The following RRM2 variants were observed in gnomAD, a reference collection of about 807,000 sequenced individuals.
The protein encoded by RRM2 is ribonucleoside-diphosphate reductase subunit M2.
A neutral mutation model predicts 45.9 loss-of-function variants in RRM2; 6 were observed. That is an observed-to-expected ratio of 0.13 (90% CI 0.07 to 0.26). The LOEUF is 0.26. RRM2 is among the 10% of genes least tolerant of loss of function. RRM2 has a pLI of 1.00. For synonymous variants in RRM2, 177 were observed against 173.0 expected (o/e 1.02, Z -0.18); for missense variants, 343 against 489.5 (o/e 0.70, Z 2.82).
intron 3 of RRM2, among the ~76,000 whole-genome samples, chr2:10,203,643 C>T (rs948058911): frequency 5.9e-5 from 9 of 152,038 alleles, no homozygotes; most frequent in South Asian, 4.1e-4. Context: ...TGCAGCTACT[C>T]GGGAGGCTGA....
chr2:10,175,585 T>C (rs924986601), intron 3 of RRM2, among the ~76,000 whole-genome samples: 1 of 151,996 alleles, frequency 6.6e-6, no homozygotes, highest in African/African-American at 2.4e-5. Context: ...TCTGTTCATA[T>C]GAATTAAAAA....
At chr2:10,194,464 G>T (rs1271176368) in intron 3 of RRM2, among the ~76,000 whole-genome samples, 1 of 152,250 alleles carries the variant, frequency 6.6e-6, no homozygotes, top group Non-Finnish European at 1.5e-5. Context: ...TGGGGTGTGT[G>T]TGTGAGGACT....
At chr2:10,151,370 T>C (rs1044698377) in intron 3 of RRM2, among the ~76,000 whole-genome samples, 3 of 150,406 alleles carry the variant, frequency 2.0e-5, no homozygotes, top group Admixed American at 6.7e-5. Context: ...CGATCTTGGC[T>C]CACTACAGCC....
At chr2:10,123,125 G>T in intron 2 of RRM2, 68 bp downstream of exon 2, 2 of 1,489,092 alleles carry the variant, frequency 1.3e-6, no homozygotes, top group Non-Finnish European at 1.8e-6. Context: ...AAGCCGCATT[G>T]TTTCCTCAGC....
At chr2:10,126,162 TAAAAAAAAAAAA>T (rs532815964) in intron 5 of RRM2, among the ~76,000 whole-genome samples, 3 of 89,362 alleles carry the variant, frequency 3.4e-5, no homozygotes, top group South Asian at 4.5e-4. Flanking sequence ...CTCATCTCTT[TAAAAAAAAAAAA>T]AAAAAAAAAA....
In RRM2 at chr2:10,172,818, G is replaced by A. The variant is rs1475756359; in HGVS notation, n.482+30443G>A. On this transcript the variant is annotated intron_variant and non_coding_transcript_variant, in intron 3 of 3. Transcript: ENST00000381786. This position sits in a 1 kb window ranked among gnomAD's most constrained non-coding sequence, Gnocchi z 4.9. ...AGAATTTCAAGATGGTGGCAGCAGA[G>A]CCTGAAACCGAGCTCAGGGCCCATC... Among the ~76,000 whole-genome samples the A allele has an allele frequency of 6.6e-6, 1 of 152,208 alleles. No homozygotes were observed. The highest frequency in any genetic ancestry group is 2.1e-4 in the South Asian group (1 of 4,826).
At chr2:10,188,914 G>A (rs531840364) in intron 3 of RRM2, among the ~76,000 whole-genome samples, 2 of 152,288 alleles carry the variant, frequency 1.3e-5, no homozygotes, top group African/African-American at 4.8e-5. Flanking sequence ...CGCATTTGGA[G>A]GCTGGATCAT....
At chr2:10,148,392 G>C (rs1663236973) in intron 3 of RRM2, among the ~76,000 whole-genome samples, 1 of 101,186 alleles carries the variant, frequency 9.9e-6, no homozygotes, top group Non-Finnish European at 2.2e-5. Context: ...TAATCAAAAG[G>C]GACTAAATGA....
In RRM2 at chr2:10,204,743, C is replaced by A. The variant is rs1276437155; in HGVS notation, n.483-5568C>A. 1.3e-5 allele frequency among the ~76,000 whole-genome samples: 2 copies of A among 152,246 alleles called. No individual in the cohort carries two copies. Among genetic ancestry groups the A allele is most frequent in the Non-Finnish European group, 2.9e-5 (2 of 68,056 alleles). On this transcript the variant is annotated intron_variant and non_coding_transcript_variant, in intron 3 of 3. Transcript: ENST00000381786. This position sits in a 1 kb window ranked among gnomAD's most constrained non-coding sequence, Gnocchi z 4.0. Reference sequence around the variant, plus strand: ...CGCATCTGTTCTCAATTGCCCTATGCAGATACTTAGTCTGTGGCTGGGAGC... The same window carrying A: ...CGCATCTGTTCTCAATTGCCCTATGAAGATACTTAGTCTGTGGCTGGGAGC...
At chr2:10,163,623 G>A (rs1379548047) in intron 3 of RRM2, among the ~76,000 whole-genome samples, 1 of 152,198 alleles carries the variant, frequency 6.6e-6, no homozygotes. Context: ...GGAACTATGG[G>A]GTCCACAGCA....
intron 3 of RRM2, among the ~76,000 whole-genome samples, chr2:10,208,456 G>A (rs531161515): frequency 6.6e-6 from 1 of 152,320 alleles, no homozygotes; most frequent in African/African-American, 2.4e-5. Flanking sequence ...TTGGATCGAT[G>A]AGCAGACACA....
chr2:10,172,906 G>A lies in RRM2; in HGVS notation n.482+30531G>A, dbSNP rs1444248176. Among the ~76,000 whole-genome samples, 3 of 152,180 alleles carry A rather than the reference G, an allele frequency of 2.0e-5. No homozygotes were observed. Among genetic ancestry groups the A allele is most frequent in the South Asian group, 2.1e-4 (1 of 4,824 alleles). ...CGGTGATGCCAACCCCCTGAGTCCC[G>A]GGGAACAGTGGCAAATCAGCACTCA... is the stretch of plus-strand genomic sequence containing the variant. On this transcript the variant is annotated intron_variant and non_coding_transcript_variant, in intron 3 of 3. Coordinates refer to the RRM2 transcript ENST00000381786. This position sits in a 1 kb window ranked among gnomAD's most constrained non-coding sequence, Gnocchi z 4.9.
At chr2:10,139,605 C>G (rs1410704990), upstream of RRM2, among the ~76,000 whole-genome samples, 1 of 152,188 alleles carries the variant, frequency 6.6e-6, no homozygotes, top group African/African-American at 2.4e-5. Context: ...TCTTTCTCAT[C>G]TCTCTTGGTG....
chr2:10,176,148 CA>C (rs1663909841), intron 3 of RRM2, among the ~76,000 whole-genome samples: 1 of 152,214 alleles, frequency 6.6e-6, no homozygotes, highest in African/African-American at 2.4e-5. Flanking sequence ...AAGTTTTAGA[CA>C]TTGGGAATAA....
Position 10,195,080 on chromosome 2 carries a change from T to C in RRM2, n.483-15231T>C, listed in dbSNP as rs957776683. On this transcript the variant is annotated intron_variant and non_coding_transcript_variant, in intron 3 of 3. Coordinates refer to the RRM2 transcript ENST00000381786. The surrounding 1 kb of genome is among the most constrained non-coding windows in gnomAD (Gnocchi z 4.9). ...GGCTACGGGTTTAATCTAAAATTCA[T>C]TCTGATCCCTTGGCCTTGGAAAAGG... 6.9e-6 allele frequency among the ~76,000 whole-genome samples: 1 copy of C among 145,946 alleles called. No homozygotes were observed. The highest frequency in any genetic ancestry group is 1.5e-5 in the Non-Finnish European group (1 of 67,632).
At chr2:10,153,205 G>T (rs531156491) in intron 3 of RRM2, among the ~76,000 whole-genome samples, 1 of 152,004 alleles carries the variant, frequency 6.6e-6, no homozygotes, top group South Asian at 2.1e-4. Flanking sequence ...GTGCTGGCGC[G>T]CACCTGTAGT....
chr2:10,149,575 T>G (rs1256298543), intron 3 of RRM2, among the ~76,000 whole-genome samples: 1 of 152,256 alleles, frequency 6.6e-6, no homozygotes, highest in Non-Finnish European at 1.5e-5. Context: ...TTTTTAATTC[T>G]TGCAGTGTCT....
At chr2:10,137,947 G>C (rs760950916), upstream of RRM2, among the ~76,000 whole-genome samples, 11 of 152,200 alleles carry the variant, frequency 7.2e-5, no homozygotes, top group Non-Finnish European at 1.2e-4. Flanking sequence ...GGCACTTCCA[G>C]GTCCTGTTAG....
chr2:10,200,007 A>G (rs975414207), intron 3 of RRM2, among the ~76,000 whole-genome samples: 7 of 151,812 alleles, frequency 4.6e-5, no homozygotes, highest in Non-Finnish European at 8.8e-5. Flanking sequence ...TAATTTTTGT[A>G]TTTTTAGTGG....
Sources: allele counts gnomAD v4.1 joint callset (sites outside exome capture counted in the v4.1 genomes callset), GRCh38; gene constraint gnomAD v4.1.1; non-coding constraint Gnocchi (gnomAD v3.1); transcripts MANE v1.5; gene names NCBI Gene and HGNC (gene_info 2026-07-23, HGNC 2026-07-21).